The following SLC12A8 variants were observed in gnomAD, a reference collection of about 807,000 sequenced individuals.
SLC12A8 encodes cation-chloride cotransporter 9.
A neutral mutation model predicts 75.6 loss-of-function variants in SLC12A8; 69 were observed. The observed-to-expected ratio is 0.91, with a 90% CI of 0.75 to 1.11. SLC12A8 has a LOEUF of 1.11. Ranked by LOEUF, SLC12A8 falls within the 50% of genes most tolerant of loss-of-function variation. SLC12A8 has a pLI of 0.00. For missense variants in SLC12A8, 877 were observed against 896.7 expected (o/e 0.98, Z 0.28); for synonymous variants, 365 against 372.8 (o/e 0.98, Z 0.24).
chr3:125,112,309 T>C (rs1579478266), intron 8 of SLC12A8, among the ~76,000 whole-genome samples: 1 of 152,328 alleles, frequency 6.6e-6, no homozygotes, highest in East Asian at 1.9e-4. Flanking sequence ...GCAGATTTCT[T>C]GGGTTTGTCC....
chr3:125,196,208 C>T (rs907481707), intron 2 of SLC12A8, among the ~76,000 whole-genome samples: 1 of 152,100 alleles, frequency 6.6e-6, no homozygotes, highest in African/African-American at 2.4e-5. Context: ...AAATAGAATG[C>T]AAAGAGAAAC....
At chr3:125,182,631 C>T (rs551146144) in intron 4 of SLC12A8, among the ~76,000 whole-genome samples, 5 of 151,908 alleles carry the variant, frequency 3.3e-5, no homozygotes, top group Middle Eastern at 3.4e-3. Context: ...CTCAGACTCC[C>T]GAGTAGCCGG....
At chr3:125,139,905 A>G (rs1314759378) in intron 5 of SLC12A8, among the ~76,000 whole-genome samples, 1 of 152,130 alleles carries the variant, frequency 6.6e-6, no homozygotes, top group Non-Finnish European at 1.5e-5. Flanking sequence ...CATTTTGCAT[A>G]CCATTTTGGG....
intron 2 of SLC12A8, among the ~76,000 whole-genome samples, chr3:125,194,245 C>G (rs932882713): frequency 4.6e-5 from 7 of 152,236 alleles, no homozygotes; most frequent in African/African-American, 1.7e-4. Flanking sequence ...AGGATGATCC[C>G]TCTGCCATGC....
rs1170679899 is a variant in SLC12A8, at chr3:125,083,779, G to A, written c.*111C>T. ...ATTTCCATTGTCCAAAGTGACAGCGGGAGGATGGGTCTTGAGTTTCTCAGG... is the reference window on the plus strand; with the variant it reads ...ATTTCCATTGTCCAAAGTGACAGCGAGAGGATGGGTCTTGAGTTTCTCAGG... On this transcript the variant is annotated 3_prime_UTR_variant, in exon 14 of 14. Transcript: ENST00000469902. 11 of 1,038,374 alleles carry A rather than the reference G, an allele frequency of 1.1e-5. No individual in the cohort carries two copies. Among genetic ancestry groups the A allele is most frequent in the Non-Finnish European group, 1.5e-5 (11 of 727,384 alleles). The allele number at this position is 1,038,374 out of a possible 1,614,324, so 64.3% of individuals were successfully genotyped here.
intron 5 of SLC12A8, among the ~76,000 whole-genome samples, chr3:125,150,963 C>T (rs113230790): frequency 1.2e-3 from 179 of 152,242 alleles, no homozygotes; most frequent in Middle Eastern, 6.8e-3. Flanking sequence ...TATTAGGAAA[C>T]GCGCTCACAC....
rs533787273 is a variant in SLC12A8, at chr3:125,179,309, C to T, written c.391-1335G>A. Reference sequence around the variant, plus strand: ...GTAAGTTTGTCTCCCCACCCCACCACCAAGAATGCAAATATCTTAAAAAAT... The same window carrying T: ...GTAAGTTTGTCTCCCCACCCCACCATCAAGAATGCAAATATCTTAAAAAAT... On this transcript the variant is annotated intron_variant, in intron 4 of 13. Transcript: ENST00000469902. 2.4e-4 allele frequency among the ~76,000 whole-genome samples: 36 copies of T among 152,200 alleles called. 1 individual carries two copies. Among genetic ancestry groups the T allele is most frequent in the Non-Finnish European group, 4.1e-4 (28 of 68,046 alleles).
At chr3:125,105,555 T>A (rs2107740569) in intron 10 of SLC12A8, among the ~76,000 whole-genome samples, 1 of 152,304 alleles carries the variant, frequency 6.6e-6, no homozygotes, top group East Asian at 1.9e-4. Context: ...CAATTATTAA[T>A]TCCAGGAAAC....
At chr3:125,122,535 A>T (rs943346660) in intron 6 of SLC12A8, among the ~76,000 whole-genome samples, 8 of 152,246 alleles carry the variant, frequency 5.3e-5, no homozygotes, top group Non-Finnish European at 8.8e-5. Context: ...AACATAGAAC[A>T]TAGAAAATGG....
intron 9 of SLC12A8, among the ~76,000 whole-genome samples, 172 bp from the exon 10 acceptor site, chr3:125,108,298 T>G (rs1028117858): frequency 6.6e-6 from 1 of 152,208 alleles, no homozygotes; most frequent in Non-Finnish European, 1.5e-5. Context: ...GATTAGTTCA[T>G]GCATGCGAAA....
In SLC12A8 at chr3:125,208,824, A is replaced by AGAGAGAGAGAGAGAGAGC. The variant is rs144988140; in HGVS notation, c.51+2474_51+2475insGCTCTCTCTCTCTCTCTC. ...GAGAGAGAGAGAGAGAGAGAGAGAG[A>AGAGAGAGAGAGAGAGAGC]GCTACCCTATCTGGTCCTAAAATGA... On this transcript the variant is annotated intron_variant, in intron 2 of 13. Transcript: ENST00000469902. Among the ~76,000 whole-genome samples, 71 of 127,546 alleles carry AGAGAGAGAGAGAGAGAGC rather than the reference A, an allele frequency of 5.6e-4. 1 individual carries two copies. Among genetic ancestry groups the AGAGAGAGAGAGAGAGAGC allele is most frequent in the Non-Finnish European group, 7.4e-4 (45 of 61,094 alleles). The allele number at this position is 127,546 out of a possible 152,430, so 83.7% of individuals were successfully genotyped here.
intron 13 of SLC12A8, among the ~76,000 whole-genome samples, chr3:125,086,017 G>A (rs927005217): frequency 2.0e-5 from 3 of 151,514 alleles, no homozygotes; most frequent in African/African-American, 7.3e-5. Context: ...TGATTCTCCT[G>A]CCTCAGCCTC....
chr3:125,191,890 G>A (rs536409661), intron 2 of SLC12A8, among the ~76,000 whole-genome samples: 42 of 152,310 alleles, frequency 2.8e-4, no homozygotes, highest in African/African-American at 9.6e-4. Flanking sequence ...ATTTATGCAT[G>A]TACATGACTG....
chr3:125,115,086 T>C (rs1260195950), intron 8 of SLC12A8, among the ~76,000 whole-genome samples: 2 of 152,204 alleles, frequency 1.3e-5, no homozygotes, highest in Admixed American at 1.3e-4. Context: ...GCATCTGCTA[T>C]GTGCCAGGTA....
intron 8 of SLC12A8, among the ~76,000 whole-genome samples, chr3:125,111,472 A>G (rs994571090): frequency 6.6e-6 from 1 of 152,172 alleles, no homozygotes; most frequent in African/African-American, 2.4e-5. Flanking sequence ...ACCCACAGGA[A>G]AGCATCTTTG....
chr3:125,120,149 G>A (rs1316123099), intron 7 of SLC12A8, among the ~76,000 whole-genome samples: 1 of 152,202 alleles, frequency 6.6e-6, no homozygotes, highest in African/African-American at 2.4e-5. Context: ...TGGAGGCTCA[G>A]AGAACTCAGT....
intron 13 of SLC12A8, among the ~76,000 whole-genome samples, chr3:125,087,817 G>A (rs1938497205): frequency 6.6e-6 from 1 of 152,090 alleles, no homozygotes; most frequent in African/African-American, 2.4e-5. Context: ...TCTGACCATA[G>A]AGGTCCCACA....
chr3:125,175,472 A>G (rs1934499142), intron 5 of SLC12A8, among the ~76,000 whole-genome samples: 1 of 152,256 alleles, frequency 6.6e-6, no homozygotes, highest in Non-Finnish European at 1.5e-5. Flanking sequence ...ATTGACCAGA[A>G]GGAAGGAAAA....
At position 125,201,774 on chromosome 3, in the gene SLC12A8, C is replaced by T. The variant is rs147978568; in HGVS notation, c.51+9525G>A. 6.0e-5 allele frequency among the ~76,000 whole-genome samples: 9 copies of T among 149,914 alleles called. No individual in the cohort carries two copies. The East Asian group carries it at 1.4e-3, about 23-fold the overall frequency. The stretch of plus-strand genomic sequence containing the variant: ...ACCTCTAAAGACTTTTCACGTCAAG[C>T]GCACCCACCCTTTGATTAAGGTGTT... On this transcript the variant is annotated intron_variant, in intron 2 of 13. Coordinates refer to ENST00000469902, the MANE Select transcript of SLC12A8 (RefSeq NM_024628.6).
Sources: gnomAD v4.1 joint callset for allele counts (sites outside exome capture counted in the v4.1 genomes callset) on GRCh38, gnomAD v4.1.1 for gene constraint, MANE v1.5 for transcripts, NCBI Gene and HGNC (gene_info 2026-07-23, HGNC 2026-07-21) for gene names.